Variants in VWC2 observed in about 807,000 individuals in gnomAD.
VWC2 encodes brorin.
VWC2 carries 14 observed loss-of-function variants against 29.8 expected under a neutral mutation model. The ratio of observed to expected loss-of-function variants is 0.47; its 90% confidence interval spans 0.31 to 0.74. The LOEUF is 0.74. Among genes scored for constraint, VWC2 ranks in the 30% least tolerant of loss-of-function variants. The pLI is 0.05. For synonymous variants in VWC2, 213 were observed against 199.0 expected (o/e 1.07, Z -0.59); for missense variants, 457 against 459.8 (o/e 0.99, Z 0.05).
rs557205844 is a variant in VWC2 at position 49,882,855 on chromosome 7, T to TTTTTTG, written c.827-29170_827-29165dup. Among the ~76,000 whole-genome samples the TTTTTTG allele has an allele frequency of 6.6e-5, 10 of 151,842 alleles. No homozygotes were observed. The South Asian group carries it at 1.9e-3, about 28-fold the overall frequency. On this transcript the variant is annotated intron_variant, in intron 3 of 3. Coordinates refer to ENST00000340652, the MANE Select transcript of VWC2 (RefSeq NM_198570.5). Reference sequence around the variant, plus strand: ...CTTCTATTTTTTGTGTTTTTGGGTTTTTTTTGTTTTTGTTGTTGTTGTTGT... The same window carrying TTTTTTG: ...CTTCTATTTTTTGTGTTTTTGGGTTTTTTTTGTTTTTGTTTTTGTTGTTGTTGTTGT...
At chr7:49,871,038 G>C (rs1390426729) in intron 3 of VWC2, among the ~76,000 whole-genome samples, 1 of 152,122 alleles carries the variant, frequency 6.6e-6, no homozygotes, top group African/African-American at 2.4e-5. Context: ...GTATTCCACA[G>C]AACCAATAAA....
chr7:49,788,526 TGA>T (rs989763136), intron 2 of VWC2, among the ~76,000 whole-genome samples: 2 of 149,544 alleles, frequency 1.3e-5, no homozygotes, highest in African/African-American at 5.0e-5. Flanking sequence ...AGTGTGGGTG[TGA>T]GACAGTGTGA....
intron 3 of VWC2, among the ~76,000 whole-genome samples, chr7:49,820,084 C>T (rs1011444634): frequency 2.9e-5 from 4 of 138,606 alleles, no homozygotes; most frequent in African/African-American, 1.1e-4. Context: ...TACTTCATTA[C>T]TTTGAGAGAG....
At chr7:49,836,229 A>G (rs1442853497) in intron 3 of VWC2, among the ~76,000 whole-genome samples, 1 of 152,164 alleles carries the variant, frequency 6.6e-6, no homozygotes, top group Admixed American at 6.5e-5. Flanking sequence ...ATTTTTTTCT[A>G]CTAACATGAA....
chr7:49,879,014 A>G (rs1409723185), intron 3 of VWC2, among the ~76,000 whole-genome samples: 1 of 152,084 alleles, frequency 6.6e-6, no homozygotes, highest in Non-Finnish European at 1.5e-5. Flanking sequence ...TATTCTCCAT[A>G]TTCTTAAATT....
chr7:49,909,017 T>C (rs1415195105), intron 3 of VWC2, among the ~76,000 whole-genome samples: 1 of 152,240 alleles, frequency 6.6e-6, no homozygotes, highest in African/African-American at 2.4e-5. Context: ...TTTGCTAGCA[T>C]TTGTAGAACA....
At chr7:49,904,689 T>C (rs1406887152) in intron 3 of VWC2, among the ~76,000 whole-genome samples, 1 of 152,088 alleles carries the variant, frequency 6.6e-6, no homozygotes, top group Non-Finnish European at 1.5e-5. Context: ...CTTTACATCA[T>C]AACTAAATAT....
chr7:49,870,352 A>C (rs988313377), intron 3 of VWC2, among the ~76,000 whole-genome samples: 5 of 152,174 alleles, frequency 3.3e-5, no homozygotes, highest in Admixed American at 6.5e-5. Flanking sequence ...GTGAGCGAAG[A>C]TTGCGCCACT....
intron 3 of VWC2, among the ~76,000 whole-genome samples, chr7:49,901,963 C>T (rs1271370114): frequency 6.8e-6 from 1 of 146,080 alleles, no homozygotes; most frequent in African/African-American, 2.7e-5. Flanking sequence ...ACGAATGGTA[C>T]TGGAACAACT....
Position 49,920,889 on chromosome 7 carries a change from CTG to C in VWC2, c.*8706_*8707del, listed in dbSNP as rs1371654221. The C allele has an allele frequency of 6.6e-6, 1 of 152,070 alleles. No homozygotes were observed. The highest frequency in any genetic ancestry group is 1.5e-5 in the Non-Finnish European group (1 of 68,014). 9.4% of individuals were successfully genotyped at this position (152,070 alleles called of 1,614,324 possible). ...GCTTTTTGTCTTCATTTCTAATAGA[CTG>C]TTATAGGGGAAATGTACTAAAATGT... On this transcript the variant is annotated 3_prime_UTR_variant, in exon 4 of 4. Transcript: ENST00000340652.
chr7:49,884,288 C>T (rs1791802939), intron 3 of VWC2, among the ~76,000 whole-genome samples: 1 of 152,200 alleles, frequency 6.6e-6, no homozygotes, highest in African/African-American at 2.4e-5. Flanking sequence ...AGGGGTTCCC[C>T]CTAGGTCCTC....
chr7:49,856,433 G>A (rs756814654), intron 3 of VWC2, among the ~76,000 whole-genome samples: 3 of 152,166 alleles, frequency 2.0e-5, no homozygotes, highest in Non-Finnish European at 4.4e-5. Context: ...AGAAAAAGAT[G>A]TTGGCCCCAT....
At chr7:49,783,135 T>C (rs1415904428) in intron 2 of VWC2, among the ~76,000 whole-genome samples, 1 of 152,202 alleles carries the variant, frequency 6.6e-6, no homozygotes, top group African/African-American at 2.4e-5. Flanking sequence ...CCTCAGATGA[T>C]ATCTCTAAAT....
intron 3 of VWC2, among the ~76,000 whole-genome samples, chr7:49,886,572 A>ATGGT (rs1264029489): frequency 6.6e-6 from 1 of 152,162 alleles, no homozygotes; most frequent in African/African-American, 2.4e-5. Flanking sequence ...CTTTTAGAAT[A>ATGGT]TGGTATCACA....
intron 3 of VWC2, among the ~76,000 whole-genome samples, chr7:49,823,720 G>A (rs1380393714): frequency 6.6e-6 from 1 of 152,142 alleles, no homozygotes; most frequent in African/African-American, 2.4e-5. Flanking sequence ...ATCAAATGTA[G>A]GTCAAAACAG....
intron 2 of VWC2, among the ~76,000 whole-genome samples, 161 bp downstream of exon 2, chr7:49,776,292 G>C (rs539826378): frequency 2.6e-4 from 40 of 152,336 alleles, no homozygotes; most frequent in Admixed American, 1.4e-3. Context: ...CTTTTTCAGG[G>C]CAGAGGTAAT....
intron 3 of VWC2, among the ~76,000 whole-genome samples, chr7:49,822,274 G>A (rs938184437): frequency 2.6e-5 from 4 of 151,962 alleles, no homozygotes; most frequent in East Asian, 1.9e-4. Context: ...TATCAATCAC[G>A]TAGTGTTTTT....
At chr7:49,853,340 C>T (rs1461813628) in intron 3 of VWC2, among the ~76,000 whole-genome samples, 2 of 152,238 alleles carry the variant, frequency 1.3e-5, no homozygotes, top group Non-Finnish European at 2.9e-5. Flanking sequence ...CTGTCCCTCC[C>T]CAGGCCCAGG....
intron 3 of VWC2, among the ~76,000 whole-genome samples, chr7:49,832,404 TTCTATTCTC>T (rs946765035): frequency 3.9e-5 from 6 of 152,134 alleles, no homozygotes; most frequent in Non-Finnish European, 5.9e-5. Context: ...AAATAGAGAA[TTCTATTCTC>T]TATTTTCTGA....
Sources: gnomAD v4.1 joint callset for allele counts (sites outside exome capture counted in the v4.1 genomes callset) on GRCh38, gnomAD v4.1.1 for gene constraint, MANE v1.5 for transcripts, NCBI Gene and HGNC (gene_info 2026-07-23, HGNC 2026-07-21) for gene names.